Variants in SPINK5 observed in about 807,000 individuals in gnomAD.
The protein encoded by SPINK5 is serine peptidase inhibitor Kazal type 5, also known as serine protease inhibitor Kazal-type 5.
A neutral mutation model predicts 151.8 loss-of-function variants in SPINK5; 125 were observed. The ratio of observed to expected loss-of-function variants is 0.82; its 90% CI spans 0.71 to 0.96. The LOEUF (loss-of-function observed/expected upper bound fraction) is 0.96. SPINK5 is among the 40% of genes least tolerant of loss of function. The probability of loss-of-function intolerance (pLI) is 0.00; values close to 1 mark genes in which losing one functional copy is unlikely to be tolerated. For missense variants in SPINK5, 1,194 were observed against 1,291.9 expected (o/e 0.92, Z 1.16); for synonymous variants, 374 against 395.3 (o/e 0.95, Z 0.64).
At chr5:148,132,227 C>T (rs901128504) in intron 31 of SPINK5, among the ~76,000 whole-genome samples, 1 of 152,102 alleles carries the variant, frequency 6.6e-6, no homozygotes, top group Admixed American at 6.6e-5. Context: ...CACCATTTGG[C>T]CAGCTTTCAA....
At chr5:148,080,061 AT>A (rs1469898557) in intron 4 of SPINK5, among the ~76,000 whole-genome samples, 1 of 151,214 alleles carries the variant, frequency 6.6e-6, no homozygotes, top group Non-Finnish European at 1.5e-5. Flanking sequence ...GTTTAGTAAG[AT>A]TTCGGTGTGC....
chr5:148,089,316 A>G, intron 6 of SPINK5, 178 bp from the exon 7 acceptor site: 1 of 794,738 alleles, frequency 1.3e-6, no homozygotes, highest in South Asian at 1.4e-5. Context: ...CAAGTAAAAA[A>G]GTTTTATATT....
chr5:148,091,029 G>C lies in SPINK5; in HGVS notation c.603-136G>C, dbSNP rs72660254. 0.08 allele frequency: 58,127 copies of C among 730,404 alleles called. 3,505 individuals are homozygous for C. The highest frequency in any genetic ancestry group is 0.24 in the East Asian group (8,521 of 35,944). The allele number at this position is 730,404 out of a possible 1,614,324, so 45.2% of individuals were successfully genotyped here. A position where few individuals can be genotyped will look rare whatever the true frequency, so the allele number is the denominator to read the frequency against. On this transcript the variant is annotated intron_variant, in intron 7 of 32. Coordinates refer to ENST00000256084, the MANE Select transcript of SPINK5 (RefSeq NM_006846.4). Reference sequence around the variant, plus strand: ...TTTCTCTGGCTCAGGCATTGAAGACGGAAATGCTTGTCTCTTGTAAGAGGA... The same window carrying C: ...TTTCTCTGGCTCAGGCATTGAAGACCGAAATGCTTGTCTCTTGTAAGAGGA...
At chr5:148,089,441 G>C in intron 6 of SPINK5, 53 bp from the exon 7 acceptor site, 4 of 1,610,496 alleles carry the variant, frequency 2.5e-6, no homozygotes, top group Non-Finnish European at 3.4e-6. Flanking sequence ...TGAAAACAGT[G>C]TTGTCAGCAT....
intron 31 of SPINK5, 75 bp downstream of exon 31, chr5:148,131,464 ACT>A: frequency 1.3e-6 from 2 of 1,594,278 alleles, no homozygotes; most frequent in Non-Finnish European, 1.7e-6. Context: ...ATAGTAATGC[ACT>A]GATATAAATT....
Position 148,131,310 on chromosome 5 carries a change from T to C in SPINK5, c.3016T>C (p.Cys1006Arg), listed in dbSNP as rs866882229. ...AGTATTGCCCAGGATAGGTTATCTT[T>C]GTCCAAAGGATTTAAAGCCTGTCTG... Reference protein sequence around the residue: ...YRVLPRIGYLCPKDLKPVCGD... With the variant: ...YRVLPRIGYLRPKDLKPVCGD... The change falls in exon 31 of 33, where the codon TGT (cysteine) becomes CGT (arginine). Residue 1006 changes from cysteine to arginine, a missense_variant. Transcript: ENST00000256084. 2 of 1,613,982 alleles carry C rather than the reference T, an allele frequency of 1.2e-6. No individual in the cohort carries two copies. Among genetic ancestry groups the C allele is most frequent in the African/African-American group, 1.3e-5 (1 of 75,048 alleles).
At chr5:148,089,803 T>G (rs550662734) in intron 7 of SPINK5, among the ~76,000 whole-genome samples, 182 bp downstream of exon 7, 1 of 152,044 alleles carries the variant, frequency 6.6e-6, no homozygotes, top group Admixed American at 6.6e-5. Flanking sequence ...GATTGAAGTT[T>G]CTTAAAAGAA....
chr5:148,070,887 G>C (rs190710636), intron 3 of SPINK5, among the ~76,000 whole-genome samples: 6 of 152,180 alleles, frequency 3.9e-5, no homozygotes. Context: ...ACCAGCAGAA[G>C]GACTTAAGCA....
chr5:148,114,594 A>C (rs1024046850), intron 21 of SPINK5, 105 bp downstream of exon 21: 13 of 1,510,758 alleles, frequency 8.6e-6, no homozygotes, highest in South Asian at 1.1e-5. Flanking sequence ...CATGTAATAG[A>C]AACAGAAGGT....
intron 7 of SPINK5, 24 bp downstream of exon 7, chr5:148,089,645 G>T: frequency 6.2e-7 from 1 of 1,611,196 alleles, no homozygotes; most frequent in Non-Finnish European, 8.5e-7. Flanking sequence ...TCCCCAGGTG[G>T]ACTTGATGAT....
rs1228302051 is a variant in SPINK5 at position 148,065,508 on chromosome 5, A to G, written c.81+136A>G. On this transcript the variant is annotated intron_variant, in intron 2 of 32. Coordinates refer to ENST00000256084, the MANE Select transcript of SPINK5 (RefSeq NM_006846.4). ...CTAATAGCTTTTGTTAAAAACACAGAAACAGATTTTTATGAATCAGGACAT... is the reference window on the plus strand; with the variant it reads ...CTAATAGCTTTTGTTAAAAACACAGGAACAGATTTTTATGAATCAGGACAT... 6.6e-6 allele frequency: 6 copies of G among 911,568 alleles called. No homozygotes were observed. In the African/African-American group the frequency reaches 8.4e-5, roughly 13 times the overall value. The allele number at this position is 911,568 out of a possible 1,614,324, so 56.5% of individuals were successfully genotyped here. A position where few individuals can be genotyped will look rare whatever the true frequency, so the allele number is the denominator to read the frequency against.
At chr5:148,127,216 T>C (rs1445234982) in intron 30 of SPINK5, 137 bp downstream of exon 30, 2 of 668,016 alleles carry the variant, frequency 3.0e-6, no homozygotes, top group East Asian at 2.9e-5. Context: ...TTGAGGACTA[T>C]ATGCAGTTTA....
Position 148,070,310 on chromosome 5 carries a change from G to T in SPINK5, c.82-13G>T. 1 of 1,611,192 alleles carries T rather than the reference G, an allele frequency of 6.2e-7. No homozygotes were observed. The highest frequency in any genetic ancestry group is 1.1e-5 in the South Asian group (1 of 90,950). On this transcript the variant is annotated splice_polypyrimidine_tract_variant and intron_variant, in intron 2 of 32. Transcript: ENST00000256084. ...TACTTTTAGCTAACACAACTTTTTTGGCATTATCTTAGGAAATGTGCCATG... is the reference window on the plus strand; with the variant it reads ...TACTTTTAGCTAACACAACTTTTTTTGCATTATCTTAGGAAATGTGCCATG...
Position 148,091,170 on chromosome 5 carries a change from A to G in SPINK5, c.608A>G (p.Lys203Arg). The G allele has an allele frequency of 6.2e-7, 1 of 1,611,132 alleles. No homozygotes were observed. Among genetic ancestry groups the G allele is most frequent in the Non-Finnish European group, 8.5e-7 (1 of 1,178,390 alleles). Residue 203 changes from lysine to arginine, a missense_variant, in exon 8 of 33, where the codon AAA becomes AGA. Lys to Arg is a conservative substitution (Grantham distance 26). Transcript: ENST00000256084. Reference protein sequence around the residue: ...KCAMCAELFLKEAENAKREGE... With the variant: ...KCAMCAELFLREAENAKREGE... ...CTGTTTACTTTTCTTAACAGTTTAA[A>G]AGAAGCTGAAAATGCCAAGCGAGAG...
At chr5:148,133,429 T>C (rs1754621158) in intron 31 of SPINK5, among the ~76,000 whole-genome samples, 1 of 152,186 alleles carries the variant, frequency 6.6e-6, no homozygotes, top group South Asian at 2.1e-4. Flanking sequence ...GTTATATTTT[T>C]CCCCAGGTCG....
At chr5:148,091,986 AC>A (rs1753325024) in intron 8 of SPINK5, among the ~76,000 whole-genome samples, 1 of 151,886 alleles carries the variant, frequency 6.6e-6, no homozygotes, top group Non-Finnish European at 1.5e-5. Context: ...AGAAGTCAGA[AC>A]GCCTGAGTTT....
chr5:148,136,473 TTTAAGA>T lies in SPINK5; in HGVS notation c.3187-506_3187-501del, dbSNP rs1184807405. On this transcript the variant is annotated intron_variant, in intron 32 of 32. Transcript: ENST00000256084. Reference sequence around the variant, plus strand: ...AAAACTTCCTGAGGCCCTCGCCCCCTTTAAGATTATTTTTAAATATTCATTTAATGT... The same window carrying T: ...AAAACTTCCTGAGGCCCTCGCCCCCTTTATTTTTAAATATTCATTTAATGT... Among the ~76,000 whole-genome samples, 7 of 152,248 alleles carry T rather than the reference TTTAAGA, an allele frequency of 4.6e-5. No homozygotes were observed. The South Asian group carries it at 8.3e-4, about 18-fold the overall frequency.
rs750627345 is a variant in SPINK5, at chr5:148,091,168, A to C, written c.606A>C (p.Leu202Phe). Residue 202 changes from leucine to phenylalanine, a missense_variant, in exon 8 of 33, where the codon TTA becomes TTC. Leu to Phe is a conservative substitution (Grantham distance 22). Coordinates refer to ENST00000256084, the MANE Select transcript of SPINK5 (RefSeq NM_006846.4). ...NKCAMCAELF[L>F]KEAENAKREG... is the part of the protein sequence containing the mutation. Reference sequence around the variant, plus strand: ...AACTGTTTACTTTTCTTAACAGTTTAAAAGAAGCTGAAAATGCCAAGCGAG... The same window carrying C: ...AACTGTTTACTTTTCTTAACAGTTTCAAAGAAGCTGAAAATGCCAAGCGAG... The C allele has an allele frequency of 3.2e-5, 51 of 1,610,906 alleles. No homozygotes were observed. The highest frequency in any genetic ancestry group is 5.9e-6 in the Non-Finnish European group (7 of 1,178,324).
chr5:148,065,035 G>A (rs1031470485), intron 1 of SPINK5, among the ~76,000 whole-genome samples: 2 of 152,064 alleles, frequency 1.3e-5, no homozygotes, highest in Non-Finnish European at 2.9e-5. Context: ...AAGGGAGGCT[G>A]GCATTTATTA....
Sources: gnomAD v4.1 joint callset for allele counts (sites outside exome capture counted in the v4.1 genomes callset) on GRCh38, gnomAD v4.1.1 for gene constraint, MANE v1.5 for transcripts, NCBI Gene and HGNC (gene_info 2026-07-23, HGNC 2026-07-21) for gene names.